Variants in GPA33 observed in about 807,000 individuals in gnomAD.
GPA33 encodes the protein glycoprotein A33, also known as cell surface A33 antigen.
A neutral mutation model predicts 35.6 loss-of-function variants in GPA33; 27 were observed. The ratio of observed to expected loss-of-function variants is 0.76; its 90% confidence interval spans 0.56 to 1.04. The LOEUF is 1.04. GPA33 is among the 50% of genes least tolerant of loss of function. GPA33 has a pLI of 0.00. For synonymous variants in GPA33, 176 were observed against 164.0 expected, an observed-to-expected ratio of 1.07 and a Z score of -0.56; for missense variants, 428 against 411.9, an observed-to-expected ratio of 1.04 and a Z score of -0.34.
intron 1 of GPA33, among the ~76,000 whole-genome samples, chr1:167,089,624 C>G (rs1373569580): frequency 6.6e-6 from 1 of 152,176 alleles, no homozygotes; most frequent in African/African-American, 2.4e-5. Context: ...ACCATATACT[C>G]ATGAATGTCT....
intron 4 of GPA33, among the ~76,000 whole-genome samples, chr1:167,061,438 G>A (rs1043764094): frequency 1.3e-5 from 2 of 152,088 alleles, no homozygotes; most frequent in Non-Finnish European, 2.9e-5. Context: ...CAGAGCCCCC[G>A]GGGAGCTGCC....
At chr1:167,080,504 A>C (rs999794831) in intron 1 of GPA33, among the ~76,000 whole-genome samples, 2 of 152,184 alleles carry the variant, frequency 1.3e-5, no homozygotes, top group African/African-American at 2.4e-5. Context: ...ACTTTATTAC[A>C]CAATACAGCA....
chr1:167,090,336 C>T lies in GPA33; in HGVS notation c.-49G>A, dbSNP rs1182197339. 3 of 1,514,236 alleles carry T rather than the reference C, an allele frequency of 2.0e-6. No individual in the cohort carries two copies. In the South Asian group the frequency reaches 3.4e-5, roughly 17 times the overall value. The allele number at this position is 1,514,236 out of a possible 1,614,324, so 93.8% of individuals were successfully genotyped here. A position where few individuals can be genotyped will look rare whatever the true frequency, so the allele number is the denominator to read the frequency against. The stretch of plus-strand genomic sequence containing the variant: ...AACCTAACCTGTCACTGGCAGCCTC[C>T]AGACAGGTCTGAGCTGTCTGGTTAA... On this transcript the variant is annotated 5_prime_UTR_variant, in exon 1 of 7. Coordinates refer to ENST00000367868, the MANE Select transcript of GPA33 (RefSeq NM_005814.3).
intron 3 of GPA33, among the ~76,000 whole-genome samples, chr1:167,064,856 C>G (rs939865224): frequency 6.6e-6 from 1 of 152,088 alleles, no homozygotes; most frequent in African/African-American, 2.4e-5. Flanking sequence ...GGCGGACCCA[C>G]AGGCAGCAGT....
chr1:167,082,060 G>A (rs539633118), intron 1 of GPA33, among the ~76,000 whole-genome samples: 1 of 152,162 alleles, frequency 6.6e-6, no homozygotes, highest in South Asian at 2.1e-4. Flanking sequence ...TAATGGGAAG[G>A]CTTATTGAGG....
At chr1:167,075,353 G>A (rs1347232152) in intron 1 of GPA33, among the ~76,000 whole-genome samples, 3 of 152,188 alleles carry the variant, frequency 2.0e-5, no homozygotes, top group African/African-American at 4.8e-5. Flanking sequence ...ATTGTGGGGA[G>A]GTGGTGAGAA....
intron 1 of GPA33, among the ~76,000 whole-genome samples, chr1:167,085,730 A>G (rs754933849): frequency 3.9e-5 from 6 of 152,214 alleles, no homozygotes; most frequent in Non-Finnish European, 7.3e-5. Context: ...AATTGAGGGA[A>G]TTGGACAGTA....
intron 1 of GPA33, among the ~76,000 whole-genome samples, chr1:167,086,862 C>T (rs1667057551): frequency 6.6e-6 from 1 of 150,494 alleles, no homozygotes; most frequent in African/African-American, 2.5e-5. Flanking sequence ...AGCTTCCTCT[C>T]ATTCTAGGAA....
intron 3 of GPA33, among the ~76,000 whole-genome samples, chr1:167,067,409 T>A (rs1666624602): frequency 6.6e-6 from 1 of 152,130 alleles, no homozygotes; most frequent in South Asian, 2.1e-4. Flanking sequence ...ACCCTTCTTC[T>A]TTTTTAAAAA....
intron 2 of GPA33, among the ~76,000 whole-genome samples, chr1:167,072,062 T>C (rs985616215): frequency 1.3e-5 from 2 of 152,194 alleles, no homozygotes; most frequent in African/African-American, 2.4e-5. Flanking sequence ...ACCCTGGGAC[T>C]CTGGGAGCAG....
At chr1:167,061,739 AC>A (rs1666453311) in intron 4 of GPA33, among the ~76,000 whole-genome samples, 1 of 151,908 alleles carries the variant, frequency 6.6e-6, no homozygotes, top group African/African-American at 2.4e-5. Context: ...AGTAGCTGGG[AC>A]TACAGGCGTC....
At chr1:167,062,914 G>A (rs1274997799) in intron 4 of GPA33, among the ~76,000 whole-genome samples, 2 of 152,056 alleles carry the variant, frequency 1.3e-5, no homozygotes, top group Admixed American at 6.5e-5. Flanking sequence ...TGGAGCCCCC[G>A]AGTTAGACTT....
intron 4 of GPA33, among the ~76,000 whole-genome samples, chr1:167,063,161 C>T (rs1275084218): frequency 6.6e-6 from 1 of 152,232 alleles, no homozygotes; most frequent in Admixed American, 6.5e-5. Flanking sequence ...GGCGCGATGG[C>T]TCACGCCTGT....
intron 1 of GPA33, among the ~76,000 whole-genome samples, chr1:167,080,692 C>T (rs1379670729): frequency 3.3e-5 from 5 of 152,194 alleles, no homozygotes; most frequent in Non-Finnish European, 7.3e-5. Context: ...GGTTGAATGA[C>T]TTCACATAAA....
intron 1 of GPA33, among the ~76,000 whole-genome samples, chr1:167,073,802 A>G (rs984507146): frequency 3.9e-5 from 6 of 152,268 alleles, no homozygotes; most frequent in Non-Finnish European, 8.8e-5. Context: ...CCTACTTCTT[A>G]CCAGCTGTGT....
In GPA33 at chr1:167,069,119, G is replaced by C. The variant is rs147059507; in HGVS notation, c.218C>G (p.Pro73Arg). 138 of 1,612,976 alleles carry C rather than the reference G, an allele frequency of 8.6e-5. No homozygotes were observed. Among genetic ancestry groups the C allele is most frequent in the Non-Finnish European group, 8.7e-5 (103 of 1,179,196 alleles). The change falls in exon 3 of 7, where the codon CCG (proline) becomes CGG (arginine). Residue 73 changes from proline to arginine, a missense_variant. By Grantham distance (103) the Pro-to-Arg change is moderately radical. Transcript: ENST00000367868. ...ATGGATGTAGTTTTTGTTTGAAAAC[G>C]GCCAGATGACCACCCTTTCCTGGAG... Reference protein sequence around the residue: ...LTHTERVVIWPFSNKNYIHGE... With the variant: ...LTHTERVVIWRFSNKNYIHGE...
chr1:167,075,194 C>T (rs909962857), intron 1 of GPA33, among the ~76,000 whole-genome samples: 1 of 152,098 alleles, frequency 6.6e-6, no homozygotes, highest in Non-Finnish European at 1.5e-5. Context: ...AGCCACCATG[C>T]CTGGCCTGAC....
In GPA33 at chr1:167,055,719, G is replaced by A. The variant is rs201665066; in HGVS notation, c.691+11C>T. ...GCGTTTGTCAGCCCTCCCCCCGCAGGCTGCTCTTACGAGATCTGACGGCCA... is the reference window on the plus strand; with the variant it reads ...GCGTTTGTCAGCCCTCCCCCCGCAGACTGCTCTTACGAGATCTGACGGCCA... On this transcript the variant is annotated intron_variant, in intron 5 of 6. Transcript: ENST00000367868. 6.5e-4 allele frequency: 1,053 copies of A among 1,613,548 alleles called. 1 individual carries two copies. Among genetic ancestry groups the A allele is most frequent in the Non-Finnish European group, 8.4e-4 (991 of 1,179,870 alleles).
At chr1:167,057,970 G>A (rs1418118746) in intron 4 of GPA33, among the ~76,000 whole-genome samples, 2 of 152,196 alleles carry the variant, frequency 1.3e-5, no homozygotes, top group African/African-American at 4.8e-5. Context: ...AGGCCAAGGC[G>A]GGCAGATCAC....
Sources: gnomAD v4.1 joint callset for allele counts (sites outside exome capture counted in the v4.1 genomes callset) on GRCh38, gnomAD v4.1.1 for gene constraint, MANE v1.5 for transcripts, NCBI Gene and HGNC (gene_info 2026-07-23, HGNC 2026-07-21) for gene names.